The following ROCK1 variants were observed in gnomAD, a reference collection of about 807,000 sequenced individuals.
The protein encoded by ROCK1 is Rho associated coiled-coil containing protein kinase 1, also known as rho-associated protein kinase 1.
ROCK1 carries 36 observed loss-of-function variants against 196.8 expected under a neutral mutation model. The ratio of observed to expected loss-of-function variants is 0.18; its 90% confidence interval spans 0.14 to 0.24. ROCK1 has a LOEUF of 0.24. Ranked by LOEUF, ROCK1 falls within the 10% of genes least tolerant of loss-of-function variation. The probability of loss-of-function intolerance (pLI) is 1.00; values close to 1 mark genes in which losing one functional copy is unlikely to be tolerated. For missense variants in ROCK1, 920 were observed against 1,562.0 expected, an observed-to-expected ratio of 0.59 and a Z score of 6.93; for synonymous variants, 443 against 515.9, an observed-to-expected ratio of 0.86 and a Z score of 1.91.
intron 1 of ROCK1, among the ~76,000 whole-genome samples, chr18:21,077,098 C>T (rs1269050663): frequency 6.6e-6 from 1 of 151,438 alleles, no homozygotes; most frequent in Non-Finnish European, 1.5e-5. Context: ...CTCAGCCTCC[C>T]GAGTAGCTGG....
At chr18:20,978,105 AT>A (rs1304403728) in intron 22 of ROCK1, among the ~76,000 whole-genome samples, 3 of 152,196 alleles carry the variant, frequency 2.0e-5, no homozygotes, top group Admixed American at 2.0e-4. Flanking sequence ...TTGCAAAAAG[AT>A]GCAATTATAC....
intron 27 of ROCK1, among the ~76,000 whole-genome samples, chr18:20,965,283 CAGGAG>C (rs1379336467): frequency 6.6e-6 from 1 of 152,002 alleles, no homozygotes; most frequent in Non-Finnish European, 1.5e-5. Flanking sequence ...CCCAGCTACT[CAGGAG>C]GTTGGGGCAG....
At chr18:21,077,946 T>C (rs1329713688) in intron 1 of ROCK1, among the ~76,000 whole-genome samples, 1 of 152,134 alleles carries the variant, frequency 6.6e-6, no homozygotes, top group African/African-American at 2.4e-5. Flanking sequence ...CAGTAATCAC[T>C]CACAGTAAGG....
At chr18:21,030,789 A>G (rs1241373681) in intron 9 of ROCK1, among the ~76,000 whole-genome samples, 3 of 152,208 alleles carry the variant, frequency 2.0e-5, no homozygotes, top group Non-Finnish European at 2.9e-5. Flanking sequence ...GTTAATTTAG[A>G]AATCATGTTC....
chr18:21,038,557 TAAC>T (rs1264959907), intron 9 of ROCK1, among the ~76,000 whole-genome samples: 1 of 152,194 alleles, frequency 6.6e-6, no homozygotes, highest in Non-Finnish European at 1.5e-5. Flanking sequence ...TCATCAGAAT[TAAC>T]AAGATTTCCA....
intron 9 of ROCK1, among the ~76,000 whole-genome samples, chr18:21,033,200 T>TA (rs1294608298): frequency 2.6e-5 from 4 of 151,742 alleles, no homozygotes; most frequent in African/African-American, 4.8e-5. Context: ...TTATCTCTAT[T>TA]AAAAAAATAA....
At chr18:21,078,373 CAGAGAGAGAGAGAGAGAGAGAGAGAGA>C (rs2036453834) in intron 1 of ROCK1, among the ~76,000 whole-genome samples, 1 of 66,118 alleles carries the variant, frequency 1.5e-5, no homozygotes, top group Admixed American at 1.5e-4. Context: ...CACACACACA[CAGAGAGAGAGAGAGAGAGAGAGAGAGA>C]ACCTAGTGTG....
intron 1 of ROCK1, among the ~76,000 whole-genome samples, chr18:21,077,175 T>C (rs1256756979): frequency 6.6e-6 from 1 of 151,386 alleles, no homozygotes; most frequent in Admixed American, 6.6e-5. Context: ...GGGTTTCACC[T>C]TGTTAGCCAG....
At chr18:20,971,601 G>A (rs2143365208) in intron 22 of ROCK1, among the ~76,000 whole-genome samples, 1 of 151,548 alleles carries the variant, frequency 6.6e-6, no homozygotes. Flanking sequence ...GCCAGGTGTG[G>A]TGGTGTGTGC....
rs564207290 is a variant in ROCK1 at position 21,029,197 on chromosome 18, T to C, written c.1052-262A>G. Among the ~76,000 whole-genome samples, 4 of 152,242 alleles carry C rather than the reference T, an allele frequency of 2.6e-5. No individual in the cohort carries two copies. The South Asian group carries it at 8.3e-4, about 32-fold the overall frequency. On this transcript the variant is annotated intron_variant, in intron 9 of 32. Transcript: ENST00000399799. ...TTGGGTTTAACTTGACTATTACAAA[T>C]CAAGTATTACTAAGGTTTGTTTTAG...
At chr18:20,952,491 TAAACAGCC>T (rs1421383645) in intron 32 of ROCK1, among the ~76,000 whole-genome samples, 1 of 151,954 alleles carries the variant, frequency 6.6e-6, no homozygotes, top group Non-Finnish European at 1.5e-5. Context: ...CAAAAATAGT[TAAACAGCC>T]AGGCATGGTG....
At chr18:21,092,382 G>A (rs1013147210) in intron 1 of ROCK1, among the ~76,000 whole-genome samples, 1 of 152,020 alleles carries the variant, frequency 6.6e-6, no homozygotes, top group African/African-American at 2.4e-5. Flanking sequence ...AGGAGTTCAA[G>A]ACCAGGCTGG....
chr18:21,076,290 G>T (rs1303875669), intron 1 of ROCK1, among the ~76,000 whole-genome samples: 1 of 152,128 alleles, frequency 6.6e-6, no homozygotes, highest in Admixed American at 6.5e-5. Flanking sequence ...GATCACTTGA[G>T]GTCAGGAGTT....
In ROCK1 at chr18:20,967,953, T is replaced by A. The variant is rs368481753; in HGVS notation, c.3004-13A>T. ...ATTTGTTAACAGCCTATTAAAATAT[T>A]ATTAATAAAGATCAATAGTGTAGTC... On this transcript the variant is annotated splice_polypyrimidine_tract_variant and intron_variant, in intron 25 of 32. Transcript: ENST00000399799. The A allele has an allele frequency of 1.3e-6, 2 of 1,483,798 alleles. No individual in the cohort carries two copies. Among genetic ancestry groups the A allele is most frequent in the Non-Finnish European group, 1.8e-6 (2 of 1,100,038 alleles). 91.9% of individuals were successfully genotyped at this position (1,483,798 alleles called of 1,614,324 possible).
At position 21,049,006 on chromosome 18, in the gene ROCK1, T is replaced by C; in HGVS notation, c.414+86A>G. The C allele has an allele frequency of 4.1e-6, 5 of 1,217,250 alleles. 1 individual carries two copies. Among genetic ancestry groups the C allele is most frequent in the South Asian group, 5.4e-5 (2 of 37,202 alleles). The allele number at this position is 1,217,250 out of a possible 1,614,324, so 75.4% of individuals were successfully genotyped here. On this transcript the variant is annotated intron_variant, in intron 4 of 32. Coordinates refer to ENST00000399799, the MANE Select transcript of ROCK1 (RefSeq NM_005406.3). ...TTGTAACTGCCAGTAAATTCTCTAC[T>C]ACTATTCTAAAACACAAACTAAGCT...
At chr18:20,955,922 A>G (rs1413938525) in intron 29 of ROCK1, among the ~76,000 whole-genome samples, 3 of 152,032 alleles carry the variant, frequency 2.0e-5, no homozygotes, top group East Asian at 1.9e-4. Flanking sequence ...TAATGTTGCT[A>G]TGGATTAGGG....
intron 22 of ROCK1, among the ~76,000 whole-genome samples, chr18:20,978,321 A>G (rs1313599357): frequency 2.0e-5 from 3 of 152,216 alleles, no homozygotes. Flanking sequence ...AGGCAACCAG[A>G]AAGTACAAGG....
At position 21,095,206 on chromosome 18, in the gene ROCK1, T is replaced by C. The variant is rs56829866; in HGVS notation, c.93+15612A>G. On this transcript the variant is annotated intron_variant, in intron 1 of 32. Transcript: ENST00000399799. ...CTTTTTTTTTTAATCCAAGAGGCAATAATGAATACAACTGAGGATGTGGAG... is the reference window on the plus strand; with the variant it reads ...CTTTTTTTTTTAATCCAAGAGGCAACAATGAATACAACTGAGGATGTGGAG... Among the ~76,000 whole-genome samples, 809 of 151,110 alleles carry C rather than the reference T, an allele frequency of 5.4e-3. 25 individuals carry two copies. In the East Asian group the frequency reaches 0.13, roughly 24 times the overall value.
At chr18:21,104,855 T>C (rs1285668126) in intron 1 of ROCK1, among the ~76,000 whole-genome samples, 1 of 152,168 alleles carries the variant, frequency 6.6e-6, no homozygotes. Flanking sequence ...ATAAACAGTC[T>C]CTAAAAGATC....
Sources: allele counts gnomAD v4.1 joint callset (sites outside exome capture counted in the v4.1 genomes callset), GRCh38; gene constraint gnomAD v4.1.1; transcripts MANE v1.5; gene names NCBI Gene and HGNC (gene_info 2026-07-23, HGNC 2026-07-21).